Variants in PLSCR2 observed in about 807,000 individuals in gnomAD.
The protein encoded by PLSCR2 is PL scramblase 2.
PLSCR2 carries 18 observed loss-of-function variants against 25.3 expected under a neutral mutation model. The ratio of observed to expected loss-of-function variants is 0.71; its 90% CI spans 0.49 to 1.06. The LOEUF is 1.06. Among genes scored for constraint, PLSCR2 ranks in the 50% least tolerant of loss-of-function variants. The pLI, the probability that PLSCR2 is intolerant of heterozygous loss-of-function variation, is 0.00. For missense variants in PLSCR2, 243 were observed against 269.5 expected (o/e 0.90, Z 0.69); for synonymous variants, 88 against 87.3 (o/e 1.01, Z -0.04).
upstream of PLSCR2, among the ~76,000 whole-genome samples, chr3:146,463,268 C>T (rs1371365546): frequency 1.3e-5 from 2 of 152,084 alleles, no homozygotes; most frequent in Non-Finnish European, 2.9e-5. Flanking sequence ...GCTCCGCCTC[C>T]CAGATTCACG....
upstream of PLSCR2, chr3:146,461,956 G>T: frequency 7.2e-7 from 1 of 1,391,714 alleles, no homozygotes; most frequent in Non-Finnish European, 9.5e-7. Flanking sequence ...CCTTTCATAA[G>T]CTAAAAAAAA....
At chr3:146,458,491 T>C in intron 2 of PLSCR2, 38 bp from the exon 3 acceptor site, 1 of 1,318,710 alleles carries the variant, frequency 7.6e-7, no homozygotes, top group Non-Finnish European at 1.0e-6. Flanking sequence ...GTATGTCAAA[T>C]ATTTTATAGA....
upstream of PLSCR2, among the ~76,000 whole-genome samples, chr3:146,465,073 C>T (rs1022524102): frequency 6.6e-5 from 10 of 152,154 alleles, no homozygotes; most frequent in African/African-American, 2.4e-4. Context: ...AGCCCAGACT[C>T]CAAACAGGCC....
At chr3:146,398,032 T>TCAAA (rs148299144) in intron 2 of PLSCR2, among the ~76,000 whole-genome samples, 1 of 152,014 alleles carries the variant, frequency 6.6e-6, no homozygotes. Flanking sequence ...TTTTAGATAT[T>TCAAA]CAAACAAACA....
intron 2 of PLSCR2, among the ~76,000 whole-genome samples, chr3:146,419,131 C>A (rs539673243): frequency 6.6e-6 from 1 of 151,840 alleles, no homozygotes; most frequent in Admixed American, 6.6e-5. Flanking sequence ...TCTTTTTTAT[C>A]TCCCACATTG....
At chr3:146,465,896 C>T (rs1442576711) in intron 1 of PLSCR2, among the ~76,000 whole-genome samples, 3 of 152,186 alleles carry the variant, frequency 2.0e-5, no homozygotes, top group Non-Finnish European at 2.9e-5. Context: ...CATTTCATCC[C>T]TTGAATTGTG....
intron 1 of PLSCR2, among the ~76,000 whole-genome samples, chr3:146,480,392 A>G (rs1028227556): frequency 6.6e-6 from 1 of 152,182 alleles, no homozygotes; most frequent in Non-Finnish European, 1.5e-5. Context: ...CAATAAAGAA[A>G]TCATAAAGGG....
At chr3:146,455,122 A>G in intron 4 of PLSCR2, 117 bp downstream of exon 4, 1 of 685,900 alleles carries the variant, frequency 1.5e-6, no homozygotes. Context: ...GGAAGCCCAA[A>G]CATATAGCTC....
downstream of PLSCR2, among the ~76,000 whole-genome samples, chr3:146,430,953 T>C (rs2039524020): frequency 6.6e-6 from 1 of 152,168 alleles, no homozygotes; most frequent in Non-Finnish European, 1.5e-5. Context: ...GGATACCTAC[T>C]GACCTTCCAT....
chr3:146,471,039 GTTTT>G (rs1560042198), intron 1 of PLSCR2, among the ~76,000 whole-genome samples: 1 of 6,528 alleles, frequency 1.5e-4, no homozygotes, highest in Non-Finnish European at 5.6e-4. Context: ...CAGTGTTTTT[GTTTT>G]TTTGTTTTTT....
chr3:146,451,521 C>G (rs2040896391), intron 5 of PLSCR2, among the ~76,000 whole-genome samples: 2 of 152,102 alleles, frequency 1.3e-5, no homozygotes, highest in Non-Finnish European at 2.9e-5. Context: ...GTCTTTGTCC[C>G]AGATTGCTGG....
At chr3:146,483,835 T>C (rs898502265) in intron 1 of PLSCR2, among the ~76,000 whole-genome samples, 2 of 129,006 alleles carry the variant, frequency 1.6e-5, no homozygotes, top group Non-Finnish European at 3.3e-5. Flanking sequence ...CGAGAAAGAA[T>C]CAAAGAAAAA....
intron 1 of PLSCR2, among the ~76,000 whole-genome samples, chr3:146,479,367 C>T (rs1349994617): frequency 6.6e-6 from 1 of 152,136 alleles, no homozygotes; most frequent in East Asian, 1.9e-4. Flanking sequence ...CAGAGACACA[C>T]ATAGGCTCAA....
At chr3:146,451,627 G>T (rs2040902218) in intron 5 of PLSCR2, among the ~76,000 whole-genome samples, 1 of 152,140 alleles carries the variant, frequency 6.6e-6, no homozygotes, top group South Asian at 2.1e-4. Flanking sequence ...GATAGCTTCA[G>T]TATCAGGCTG....
chr3:146,472,893 T>A (rs2042164656), intron 1 of PLSCR2, among the ~76,000 whole-genome samples: 1 of 152,246 alleles, frequency 6.6e-6, no homozygotes, highest in African/African-American at 2.4e-5. Flanking sequence ...AATCATCATC[T>A]GTTGAAGCCT....
intron 2 of PLSCR2, among the ~76,000 whole-genome samples, chr3:146,424,864 C>T (rs1162347445): frequency 7.2e-6 from 1 of 138,954 alleles, no homozygotes. Flanking sequence ...TTAATAAGGG[C>T]CCTAAAGTGC....
At chr3:146,477,955 C>T (rs1417700062) in intron 1 of PLSCR2, among the ~76,000 whole-genome samples, 4 of 152,136 alleles carry the variant, frequency 2.6e-5, no homozygotes, top group Admixed American at 6.5e-5. Flanking sequence ...CTGGTAATAC[C>T]CAGGCAAACA....
upstream of PLSCR2, among the ~76,000 whole-genome samples, chr3:146,464,425 T>G (rs1340437980): frequency 3.3e-5 from 5 of 152,316 alleles, no homozygotes; most frequent in East Asian, 9.6e-4. Context: ...ATGACTCAGT[T>G]TAGGACATGA....
intron 1 of PLSCR2, among the ~76,000 whole-genome samples, chr3:146,479,399 C>T (rs574639083): frequency 1.0e-3 from 156 of 152,226 alleles, no homozygotes; most frequent in African/African-American, 3.6e-3. Flanking sequence ...GCAGGAAGAT[C>T]TACCAAGCAA....
Sources: allele counts gnomAD v4.1 joint callset (sites outside exome capture counted in the v4.1 genomes callset), GRCh38; gene constraint gnomAD v4.1.1; transcripts MANE v1.5; gene names NCBI Gene and HGNC (gene_info 2026-07-23, HGNC 2026-07-21).